The following MORC4 variants were observed in gnomAD, a reference collection of about 807,000 sequenced individuals.
The protein encoded by MORC4 is MORC family CW-type zinc finger protein 4.
In MORC4, 22 loss-of-function variants were observed where a neutral mutation model predicts 65.5. That is an observed-to-expected ratio of 0.34 (90% CI 0.24 to 0.48). The LOEUF (loss-of-function observed/expected upper bound fraction) is 0.48, where lower values mean the gene tolerates loss of function less well. MORC4 is among the 20% of genes least tolerant of loss of function. The pLI is 0.99. For missense variants in MORC4, 624 were observed against 703.0 expected, an observed-to-expected ratio of 0.89 and a Z score of 1.27; for synonymous variants, 267 against 255.8, an observed-to-expected ratio of 1.04 and a Z score of -0.42.
chrX:106,972,560 C>A (rs1934543716), intron 9 of MORC4, among the ~76,000 whole-genome samples: 1 of 111,747 alleles, frequency 8.9e-6, no homozygotes, highest in Admixed American at 9.5e-5. Context: ...GAAAGACCTG[C>A]CAAGAGCCTC....
intron 1 of MORC4, 57 bp from the exon 2 acceptor site, chrX:106,999,806 C>T (rs1375310459): frequency 2.1e-6 from 2 of 952,597 alleles, no homozygotes; most frequent in South Asian, 4.0e-5. Context: ...GGGCCCTCCC[C>T]GCGCGCCCCC....
intron 14 of MORC4, among the ~76,000 whole-genome samples, chrX:106,949,265 C>T (rs1933918395): frequency 9.0e-6 from 1 of 111,522 alleles, no homozygotes; most frequent in Admixed American, 9.5e-5. Context: ...AGGTTCTGTC[C>T]ATTATTAATA....
At chrX:106,957,848 G>A (rs1327038893) in intron 11 of MORC4, among the ~76,000 whole-genome samples, 6 of 111,749 alleles carry the variant, frequency 5.4e-5, no homozygotes, top group Admixed American at 3.8e-4. Context: ...GTCTCGAAGA[G>A]TTTACGATCT....
At chrX:106,951,071 C>T (rs1211919236) in intron 14 of MORC4, among the ~76,000 whole-genome samples, 1 of 111,663 alleles carries the variant, frequency 9.0e-6, no homozygotes, top group African/African-American at 3.3e-5. Context: ...CCTCATTTCT[C>T]CATTCTGGAA....
chrX:106,968,556 GTA>G (rs1934426891), intron 9 of MORC4, among the ~76,000 whole-genome samples: 1 of 101,477 alleles, frequency 9.9e-6, no homozygotes, highest in South Asian at 5.2e-4. Context: ...CTGGTGTGCT[GTA>G]TTCAGGAGAC....
intron 3 of MORC4, among the ~76,000 whole-genome samples, chrX:106,992,476 C>T (rs187557125): frequency 5.4e-4 from 61 of 112,328 alleles, no homozygotes; most frequent in African/African-American, 1.6e-3. Context: ...ACTCATATTC[C>T]ACTGAGTGAT....
chrX:106,944,020 C>T (rs1050131254), intron 14 of MORC4, among the ~76,000 whole-genome samples: 1 of 112,397 alleles, frequency 8.9e-6, no homozygotes, highest in Non-Finnish European at 1.9e-5. Context: ...AGGGTGGGAA[C>T]CCCATTTTTA....
intron 1 of MORC4, 29 bp downstream of exon 1, chrX:106,999,839 G>A: frequency 1.2e-6 from 1 of 856,749 alleles, no homozygotes; most frequent in Non-Finnish European, 1.4e-6. Flanking sequence ...GCCCGCGCGC[G>A]CGTCCGCCCC....
rs35077497 is a variant in MORC4, at chrX:106,945,414, TTGTGTG to T, written c.1686-2215_1686-2210del. On this transcript the variant is annotated intron_variant, in intron 14 of 16. Coordinates refer to ENST00000355610, the MANE Select transcript of MORC4 (RefSeq NM_024657.5). ...TTATTAAAATGCATCACTTACTACT[TTGTGTG>T]TGTGTGTGTGTGTGTGTGTGTGTGT... 3.4e-3 allele frequency among the ~76,000 whole-genome samples: 286 copies of T among 83,248 alleles called. 4 individuals carry two copies. The highest frequency in any genetic ancestry group is 0.034 in the East Asian group (87 of 2,539). 72.3% of individuals were successfully genotyped at this position (83,248 alleles called of 115,157 possible).
rs190635412 is a variant in MORC4 at position 106,956,884 on chromosome X, T to A, written c.1454+52A>T. 2,387 of 948,679 alleles carry A rather than the reference T, an allele frequency of 2.5e-3. 57 individuals carry two copies. The Admixed American group carries it at 0.057, about 23-fold the overall frequency. The allele number at this position is 948,679 out of a possible 1,213,427, so 78.2% of individuals were successfully genotyped here. On this transcript the variant is annotated intron_variant, in intron 12 of 16. Coordinates refer to ENST00000355610, the MANE Select transcript of MORC4 (RefSeq NM_024657.5). ...TCAAAACTCCCGTCCTGTAAGGAAG[T>A]GTCAGGCTACTCTACCCTATGGTAG...
At chrX:106,966,284 C>G (rs147989445) in intron 9 of MORC4, among the ~76,000 whole-genome samples, 3,469 of 112,346 alleles carry the variant, frequency 0.031, 138 homozygotes, top group African/African-American at 0.11. Context: ...TTCAGTCACA[C>G]AAACTACTCT....
chrX:106,963,531 T>C (rs756074283), intron 9 of MORC4, among the ~76,000 whole-genome samples: 1 of 111,990 alleles, frequency 8.9e-6, no homozygotes, highest in Non-Finnish European at 1.9e-5. Context: ...TTCTATCCTC[T>C]GATCACTGCT....
intron 9 of MORC4, 88 bp downstream of exon 9, chrX:106,976,496 G>T: frequency 3.8e-6 from 2 of 525,087 alleles, no homozygotes; most frequent in Non-Finnish European, 6.3e-6. Context: ...TTATTTAGCT[G>T]CTTTTTAGAG....
At chrX:106,996,901 G>A (rs774470678) in intron 2 of MORC4, among the ~76,000 whole-genome samples, 2 of 112,278 alleles carry the variant, frequency 1.8e-5, no homozygotes, top group East Asian at 5.6e-4. Flanking sequence ...TCCCAGGAGA[G>A]ATAAGATGGC....
chrX:106,957,196 C>G (rs1188218581), intron 11 of MORC4, among the ~76,000 whole-genome samples, 192 bp from the exon 12 acceptor site: 3 of 111,726 alleles, frequency 2.7e-5, no homozygotes, highest in Non-Finnish European at 5.7e-5. Context: ...GAAAGGAGTA[C>G]TAGAAAATAC....
At chrX:106,947,236 C>A (rs1478428557) in intron 14 of MORC4, among the ~76,000 whole-genome samples, 1 of 109,808 alleles carries the variant, frequency 9.1e-6, no homozygotes, top group East Asian at 2.9e-4. Context: ...TTTAAATTCA[C>A]TGAGGTTTGT....
At position 106,993,282 on chromosome X, in the gene MORC4, A is replaced by G. The variant is rs777274791; in HGVS notation, c.256T>C (p.Phe86Leu). ...EEVKNKSCLT[F>L]TDDGCGMTPH... Reference sequence around the variant, plus strand: ...GTCATCCCACATCCATCATCGGTAAAGGTCAAACAAGATTTATTCTTGACC... The same window carrying G: ...GTCATCCCACATCCATCATCGGTAAGGGTCAAACAAGATTTATTCTTGACC... Residue 86 changes from phenylalanine (F) to leucine (L), a missense_variant, in exon 3 of 17, where the codon TTT (phenylalanine) becomes CTT (leucine). Physicochemically the swap from Phe to Leu is conservative, Grantham distance 22 (BLOSUM62 0). Coordinates refer to ENST00000355610, the MANE Select transcript of MORC4 (RefSeq NM_024657.5). 15 of 1,208,286 alleles carry G rather than the reference A, an allele frequency of 1.2e-5. No individual in the cohort carries two copies. Among genetic ancestry groups the G allele is most frequent in the Admixed American group, 4.4e-5 (2 of 45,863 alleles).
chrX:106,979,283 C>T, intron 7 of MORC4, among the ~76,000 whole-genome samples: 1 of 110,847 alleles, frequency 9.0e-6, no homozygotes, highest in Non-Finnish European at 1.9e-5. Context: ...TGGGCTCTAG[C>T]AGTTCATATA....
At chrX:106,946,832 G>T (rs1982434270) in intron 14 of MORC4, among the ~76,000 whole-genome samples, 3 of 111,455 alleles carry the variant, frequency 2.7e-5, no homozygotes, top group African/African-American at 9.8e-5. Context: ...TGTAGAGACA[G>T]GGTCTTCCTA....
Sources: allele counts gnomAD v4.1 joint callset (sites outside exome capture counted in the v4.1 genomes callset), GRCh38; gene constraint gnomAD v4.1.1; transcripts MANE v1.5; gene names NCBI Gene and HGNC (gene_info 2026-07-23, HGNC 2026-07-21).